WDR37: variants seen among roughly 807,000 people sequenced by gnomAD.
The protein encoded by WDR37 is WD repeat domain 37.
A neutral mutation model predicts 62.9 loss-of-function variants in WDR37; 19 were observed. The ratio of observed to expected loss-of-function variants is 0.30; its 90% CI spans 0.21 to 0.44. The LOEUF (loss-of-function observed/expected upper bound fraction) is 0.44, where lower values mean the gene tolerates loss of function less well. Ranked by LOEUF, WDR37 falls within the 20% of genes least tolerant of loss-of-function variation. The probability of loss-of-function intolerance (pLI) is 1.00; values close to 1 mark genes in which losing one functional copy is unlikely to be tolerated. For missense variants in WDR37, 474 were observed against 657.6 expected (o/e 0.72, Z 3.05); for synonymous variants, 250 against 260.9 (o/e 0.96, Z 0.40).
chr10:1,102,221 G>A (rs548960008), intron 9 of WDR37, among the ~76,000 whole-genome samples: 3 of 149,168 alleles, frequency 2.0e-5, no homozygotes, highest in East Asian at 2.0e-4. Context: ...GCTGCTGTGC[G>A]TCCCTGCGAC....
Position 1,092,872 on chromosome 10 carries a change from C to CAAAAAAAAAAAAAAAAAAAAAAAA in WDR37, c.605-577_605-554dup, listed in dbSNP as rs56220560. On this transcript the variant is annotated intron_variant, in intron 7 of 13. Coordinates refer to ENST00000263150, the MANE Select transcript of WDR37 (RefSeq NM_014023.4). The stretch of plus-strand genomic sequence containing the variant: ...GCAACCAGAGCAAGACCCTATCTCA[C>CAAAAAAAAAAAAAAAAAAAAAAAA]AAAAAAAAAAAAAAAAAAAAAAAAA... 4.8e-4 allele frequency among the ~76,000 whole-genome samples: 20 copies of CAAAAAAAAAAAAAAAAAAAAAAAA among 41,976 alleles called. 1 individual carries two copies. The highest frequency in any genetic ancestry group is 2.9e-3 in the East Asian group (3 of 1,040). The allele number at this position is 41,976 out of a possible 152,430, so 27.5% of individuals were successfully genotyped here. A position where few individuals can be genotyped will look rare whatever the true frequency, so the allele number is the denominator to read the frequency against.
At chr10:1,090,691 G>C (rs1834355827) in intron 7 of WDR37, among the ~76,000 whole-genome samples, 1 of 152,256 alleles carries the variant, frequency 6.6e-6, no homozygotes, top group Non-Finnish European at 1.5e-5. Context: ...CTCAGAGGCA[G>C]AGGTGACACT....
Position 1,121,277 on chromosome 10 carries a change from G to T in WDR37, c.1104-2941G>T, listed in dbSNP as rs1286999278. Among the ~76,000 whole-genome samples, 2 of 152,070 alleles carry T rather than the reference G, an allele frequency of 1.3e-5. No individual in the cohort carries two copies. The highest frequency in any genetic ancestry group is 4.8e-5 in the African/African-American group (2 of 41,372). ...TTGAGCCTTTTTTCCTATTAATTTA[G>T]CAGAATGTTCACTGAAACTTAACTT... On this transcript the variant is annotated intron_variant, in intron 11 of 13. Transcript: ENST00000263150. The surrounding 1 kb of genome is among the most constrained non-coding windows in gnomAD (Gnocchi z 4.5).
intron 13 of WDR37, among the ~76,000 whole-genome samples, chr10:1,127,347 A>G (rs1330208668): frequency 6.6e-6 from 1 of 152,196 alleles, no homozygotes; most frequent in Non-Finnish European, 1.5e-5. Flanking sequence ...GTGGTATGTG[A>G]AATAGATTTA....
intron 9 of WDR37, among the ~76,000 whole-genome samples, chr10:1,102,914 C>G (rs1364154270): frequency 6.6e-6 from 1 of 152,192 alleles, no homozygotes; most frequent in Non-Finnish European, 1.5e-5. Context: ...GAGTTCCTAC[C>G]TGCTAGATTG....
At chr10:1,096,274 T>G (rs2131646144) in intron 9 of WDR37, 28 bp downstream of exon 9, 1 of 1,605,594 alleles carries the variant, frequency 6.2e-7, no homozygotes, top group Admixed American at 1.7e-5. Context: ...CCTGTGAATG[T>G]GTAGGATGCT....
chr10:1,059,732 G>A (rs1236208830), intron 1 of WDR37, among the ~76,000 whole-genome samples: 2 of 151,896 alleles, frequency 1.3e-5, no homozygotes, highest in Non-Finnish European at 2.9e-5. Context: ...GGGAGGTGGA[G>A]GTTGCAGTGG....
intron 7 of WDR37, among the ~76,000 whole-genome samples, chr10:1,089,535 C>T (rs774742873): frequency 6.6e-6 from 1 of 152,142 alleles, no homozygotes; most frequent in African/African-American, 2.4e-5. Context: ...TCTTCCTGTT[C>T]TTGTGCCTGG....
intron 11 of WDR37, among the ~76,000 whole-genome samples, chr10:1,109,348 C>T (rs1160435377): frequency 6.6e-6 from 1 of 152,194 alleles, no homozygotes; most frequent in Non-Finnish European, 1.5e-5. Flanking sequence ...ATTGCAAGTG[C>T]ATGTTTTCGC....
At position 1,080,488 on chromosome 10, in the gene WDR37, A is replaced by C; in HGVS notation, c.396+12A>C. Reference sequence around the variant, plus strand: ...CTTCCACCAGCAAGGTATGCAGGCCACTGGCTCTTGAGCCATCATGTGGTG... The same window carrying C: ...CTTCCACCAGCAAGGTATGCAGGCCCCTGGCTCTTGAGCCATCATGTGGTG... On this transcript the variant is annotated intron_variant, in intron 5 of 13. Coordinates refer to ENST00000263150, the MANE Select transcript of WDR37 (RefSeq NM_014023.4). 9.3e-6 allele frequency: 15 copies of C among 1,614,150 alleles called. No homozygotes were observed. Among genetic ancestry groups the C allele is most frequent in the Non-Finnish European group, 1.3e-5 (15 of 1,179,992 alleles).
intron 11 of WDR37, among the ~76,000 whole-genome samples, chr10:1,122,381 G>A (rs750804610): frequency 1.6e-4 from 24 of 152,164 alleles, no homozygotes; most frequent in Non-Finnish European, 2.2e-4. Flanking sequence ...CAGTTTTTGT[G>A]CCCTGGGAGA....
chr10:1,127,200 C>G (rs1185802761), intron 13 of WDR37, among the ~76,000 whole-genome samples: 1 of 152,122 alleles, frequency 6.6e-6, no homozygotes, highest in Non-Finnish European at 1.5e-5. Context: ...GAGTATTTTC[C>G]CTCAGAAAAA....
chr10:1,060,492 A>G (rs1833342671), intron 1 of WDR37, among the ~76,000 whole-genome samples: 1 of 152,250 alleles, frequency 6.6e-6, no homozygotes, highest in East Asian at 1.9e-4. Context: ...TTTAATCTCC[A>G]TAAGCCTTCT....
At chr10:1,115,168 T>C (rs1357965799) in intron 11 of WDR37, among the ~76,000 whole-genome samples, 1 of 152,176 alleles carries the variant, frequency 6.6e-6, no homozygotes, top group Non-Finnish European at 1.5e-5. Flanking sequence ...GCAATGCGGA[T>C]AAACTTTAGC....
chr10:1,113,292 T>C (rs1186602226), intron 11 of WDR37, among the ~76,000 whole-genome samples: 13 of 152,192 alleles, frequency 8.5e-5, no homozygotes, highest in Admixed American at 8.5e-4. Context: ...AGGCTACTGC[T>C]CAGGAAAAAA....
At chr10:1,115,690 G>A (rs997378779) in intron 11 of WDR37, among the ~76,000 whole-genome samples, 6 of 152,202 alleles carry the variant, frequency 3.9e-5, no homozygotes, top group Admixed American at 1.3e-4. Context: ...TGGGAGGTGC[G>A]TGTTGGAAAG....
At chr10:1,078,048 C>A in intron 3 of WDR37, 45 bp downstream of exon 3, 1 of 1,438,852 alleles carries the variant, frequency 6.9e-7, no homozygotes, top group Admixed American at 1.9e-5. Flanking sequence ...TTTACCTATC[C>A]ATAGTCAAAT....
intron 5 of WDR37, among the ~76,000 whole-genome samples, 164 bp from the exon 6 acceptor site, chr10:1,084,239 C>A (rs779309246): frequency 6.6e-6 from 1 of 152,216 alleles, no homozygotes; most frequent in Non-Finnish European, 1.5e-5. Context: ...ACCCTTTCCA[C>A]GCAGGGCGTT....
At chr10:1,124,802 G>A (rs1564514087) in intron 12 of WDR37, 108 bp from the exon 13 acceptor site, 25 of 1,398,630 alleles carry the variant, frequency 1.8e-5, no homozygotes, top group Admixed American at 4.3e-5. Flanking sequence ...TCATGTAGTC[G>A]GCCTTGAAAT....
Sources: allele counts gnomAD v4.1 joint callset (sites outside exome capture counted in the v4.1 genomes callset), GRCh38; gene constraint gnomAD v4.1.1; non-coding constraint Gnocchi (gnomAD v3.1); transcripts MANE v1.5; gene names NCBI Gene and HGNC (gene_info 2026-07-23, HGNC 2026-07-21).